EPHA5: variants seen among roughly 807,000 people sequenced by gnomAD.
EPHA5 encodes ephrin type-A receptor 5.
EPHA5 carries 60 observed loss-of-function variants against 105.0 expected under a neutral mutation model. The observed-to-expected ratio is 0.57, with a 90% CI of 0.46 to 0.71. The LOEUF (loss-of-function observed/expected upper bound fraction) is 0.71. EPHA5 is among the 30% of genes least tolerant of loss of function. The pLI is 0.00. For missense variants in EPHA5, 1,218 were observed against 1,274.7 expected (o/e 0.96, Z 0.68); for synonymous variants, 513 against 449.1 (o/e 1.14, Z -1.80).
chr4:65,491,649 G>A (rs1034742767), intron 4 of EPHA5, among the ~76,000 whole-genome samples: 2 of 151,894 alleles, frequency 1.3e-5, no homozygotes, highest in African/African-American at 4.8e-5. Flanking sequence ...TGGAAACTGG[G>A]TGTAGCTTTT....
rs973342743 is a variant in EPHA5, at chr4:65,343,249, A to G, written c.2595+4805T>C. Among the ~76,000 whole-genome samples the G allele has an allele frequency of 2.0e-5, 3 of 152,308 alleles. No homozygotes were observed. In the East Asian group the frequency reaches 5.8e-4, roughly 29 times the overall value. On this transcript the variant is annotated intron_variant, in intron 14 of 16. Coordinates refer to ENST00000613740, the MANE Select transcript of EPHA5 (RefSeq NM_001281766.3). ...TCTACTGACTACATGATATTATCTT[A>G]GCTTCTGAGCTTGAATCAGAGTTCA...
At chr4:65,385,862 T>C (rs1018960843) in intron 8 of EPHA5, among the ~76,000 whole-genome samples, 1 of 151,822 alleles carries the variant, frequency 6.6e-6, no homozygotes, top group South Asian at 2.1e-4. Flanking sequence ...TTTATATTTG[T>C]ATAATACTGA....
At chr4:65,642,693 A>G (rs1196073326) in intron 2 of EPHA5, among the ~76,000 whole-genome samples, 1 of 151,964 alleles carries the variant, frequency 6.6e-6, no homozygotes, top group Non-Finnish European at 1.5e-5. Flanking sequence ...TTACTCATTA[A>G]TTTGAAAATG....
At chr4:65,541,360 C>T (rs1357584367) in intron 3 of EPHA5, among the ~76,000 whole-genome samples, 2 of 151,824 alleles carry the variant, frequency 1.3e-5, no homozygotes, top group African/African-American at 4.8e-5. Context: ...AGACCCAACT[C>T]ATGTGCAAAG....
At chr4:65,599,656 C>T (rs994290806) in intron 3 of EPHA5, among the ~76,000 whole-genome samples, 2 of 152,120 alleles carry the variant, frequency 1.3e-5, no homozygotes, top group African/African-American at 2.4e-5. Flanking sequence ...CAAACCACTG[C>T]TCCTACTACC....
At chr4:65,568,184 T>A (rs1739755812) in intron 3 of EPHA5, among the ~76,000 whole-genome samples, 1 of 151,504 alleles carries the variant, frequency 6.6e-6, no homozygotes, top group Admixed American at 6.6e-5. Context: ...TTCAAACAAC[T>A]TTTAATTTTT....
chr4:65,650,575 G>GAA (rs1748524756), intron 1 of EPHA5, among the ~76,000 whole-genome samples: 1 of 141,610 alleles, frequency 7.1e-6, no homozygotes, highest in African/African-American at 2.7e-5. Flanking sequence ...AAAAAAAAGA[G>GAA]CTAGTTGTTA....
At chr4:65,465,493 A>G (rs1430221856) in intron 5 of EPHA5, among the ~76,000 whole-genome samples, 2 of 115,884 alleles carry the variant, frequency 1.7e-5, no homozygotes, top group Non-Finnish European at 3.8e-5. Context: ...GAAAGAAAGA[A>G]AGAAAGAAAG....
In EPHA5 at chr4:65,321,955, A is replaced by G. The variant is rs1164682971; in HGVS notation, c.*2159T>C. Reference sequence around the variant, plus strand: ...TTGGAATATTTCTATAAAATTCAATAAAGTGCCACATAATCATCATTTATT... The same window carrying G: ...TTGGAATATTTCTATAAAATTCAATGAAGTGCCACATAATCATCATTTATT... On this transcript the variant is annotated 3_prime_UTR_variant, in exon 17 of 17. Transcript: ENST00000613740. 4.4e-6 allele frequency: 1 copy of G among 226,322 alleles called. No individual in the cohort carries two copies. The highest frequency in any genetic ancestry group is 8.8e-6 in the Non-Finnish European group (1 of 113,720). 14.0% of individuals were successfully genotyped at this position (226,322 alleles called of 1,614,324 possible). A position where few individuals can be genotyped will look rare whatever the true frequency, so the allele number is the denominator to read the frequency against.
At chr4:65,494,595 AAT>A (rs1297473225) in intron 4 of EPHA5, among the ~76,000 whole-genome samples, 1 of 152,200 alleles carries the variant, frequency 6.6e-6, no homozygotes, top group Non-Finnish European at 1.5e-5. Flanking sequence ...TGGAAAACCA[AAT>A]ATACGGAAAA....
intron 3 of EPHA5, among the ~76,000 whole-genome samples, chr4:65,507,954 G>A (rs1180416929): frequency 1.3e-5 from 2 of 151,856 alleles, no homozygotes; most frequent in Admixed American, 6.6e-5. Context: ...CTCAATATAG[G>A]CAAGCATAAT....
chr4:65,353,142 G>C, intron 11 of EPHA5, 39 bp from the exon 12 acceptor site: 1 of 1,337,836 alleles, frequency 7.5e-7, no homozygotes, highest in Non-Finnish European at 9.9e-7. Context: ...GCTGCTCTTC[G>C]ATTTTGCATT....
In EPHA5 at chr4:65,634,732, C is replaced by T. The variant is rs562555814; in HGVS notation, c.246+8631G>A. Among the ~76,000 whole-genome samples, 21 of 151,940 alleles carry T rather than the reference C, an allele frequency of 1.4e-4. No individual in the cohort carries two copies. In the South Asian group the frequency reaches 1.5e-3, roughly 11 times the overall value. Reference sequence around the variant, plus strand: ...GTTCAAATAAAGAGCTTTTCTATATCCACTAATGTGCTCTTTTTTTTACCC... The same window carrying T: ...GTTCAAATAAAGAGCTTTTCTATATTCACTAATGTGCTCTTTTTTTTACCC... On this transcript the variant is annotated intron_variant, in intron 2 of 16. Coordinates refer to ENST00000613740, the MANE Select transcript of EPHA5 (RefSeq NM_001281766.3).
rs181893440 is a variant in EPHA5 at position 65,499,264 on chromosome 4, C to T, written c.911-3721G>A. On this transcript the variant is annotated intron_variant, in intron 3 of 16. Coordinates refer to ENST00000613740, the MANE Select transcript of EPHA5 (RefSeq NM_001281766.3). The stretch of plus-strand genomic sequence containing the variant: ...AAATAGAATAAAATGTATCCTTCTT[C>T]ATATCAAATAAAATTATCTGTATTT... Among the ~76,000 whole-genome samples the T allele has an allele frequency of 2.5e-3, 384 of 151,820 alleles. 1 individual carries two copies. The highest frequency in any genetic ancestry group is 7.2e-3 in the African/African-American group (300 of 41,510).
chr4:65,447,054 A>G (rs1050807993), intron 5 of EPHA5, among the ~76,000 whole-genome samples: 1 of 141,834 alleles, frequency 7.1e-6, no homozygotes, highest in African/African-American at 2.7e-5. Flanking sequence ...TAGCATGATC[A>G]TAGCTCACTG....
intron 5 of EPHA5, among the ~76,000 whole-genome samples, chr4:65,469,121 G>T (rs868590101): frequency 6.6e-6 from 1 of 152,052 alleles, no homozygotes; most frequent in Non-Finnish European, 1.5e-5. Flanking sequence ...GTCTGTAATT[G>T]CTCCAGCCAT....
In EPHA5 at chr4:65,585,357, A is replaced by G. The variant is rs118021961; in HGVS notation, c.910+16284T>C. Among the ~76,000 whole-genome samples the G allele has an allele frequency of 2.6e-3, 395 of 151,994 alleles. 18 individuals are homozygous for G. The East Asian group carries it at 0.067, about 26-fold the overall frequency. ...TAGAAAAAAGTAGTAAGAATTGGAG[A>G]AAACAAAAAAAATCAGAAAACAACC... On this transcript the variant is annotated intron_variant, in intron 3 of 16. Coordinates refer to ENST00000613740, the MANE Select transcript of EPHA5 (RefSeq NM_001281766.3).
chr4:65,508,034 AAAAAT>A, intron 3 of EPHA5, among the ~76,000 whole-genome samples: 1 of 152,076 alleles, frequency 6.6e-6, no homozygotes, highest in African/African-American at 2.4e-5. Flanking sequence ...AAATATGATG[AAAAAT>A]ATGAACTAAA....
In EPHA5 at chr4:65,420,509, A is replaced by T. The variant is rs1483040945; in HGVS notation, c.1459T>A (p.Leu487Met). ...KGKIAKNSIS[L>M]SWQEPDRPNG... is the part of the protein sequence containing the mutation. ...GGACGATCTGGTTCTTGCCAAGACA[A>T]AGAGATGCTGTTTTTTGCAATTTTC... Residue 487 changes from leucine (L) to methionine (M), a missense_variant, in exon 6 of 17, where the codon TTG becomes ATG. By Grantham distance (15) the Leu-to-Met change is conservative. Transcript: ENST00000613740. 2 of 1,613,262 alleles carry T rather than the reference A, an allele frequency of 1.2e-6. No individual in the cohort carries two copies. The highest frequency in any genetic ancestry group is 1.7e-6 in the Non-Finnish European group (2 of 1,179,548).
Sources: gnomAD v4.1 joint callset for allele counts (sites outside exome capture counted in the v4.1 genomes callset) on GRCh38, gnomAD v4.1.1 for gene constraint, MANE v1.5 for transcripts, NCBI Gene and HGNC (gene_info 2026-07-23, HGNC 2026-07-21) for gene names.